Variants in NCOA7 observed in about 807,000 individuals in gnomAD.
NCOA7 encodes nuclear receptor coactivator 7, also known as 140 kDa estrogen receptor-associated protein.
In NCOA7, 45 loss-of-function variants were observed where a neutral mutation model predicts 104.3. The observed-to-expected ratio is 0.43, with a 90% CI of 0.34 to 0.55. NCOA7 has a LOEUF of 0.55. Ranked by LOEUF, NCOA7 falls within the 20% of genes least tolerant of loss-of-function variation. The pLI is 0.02. For missense variants in NCOA7, 1,041 were observed against 1,119.7 expected (o/e 0.93, Z 1.00); for synonymous variants, 398 against 402.3 (o/e 0.99, Z 0.13).
chr6:125,842,175 A>G (rs1780233578), intron 2 of NCOA7, among the ~76,000 whole-genome samples: 2 of 152,184 alleles, frequency 1.3e-5, no homozygotes, highest in South Asian at 2.1e-4. Context: ...TCAGTAGAGT[A>G]TTAGTTTATA....
At position 125,869,256 on chromosome 6, in the gene NCOA7, T is replaced by G. The variant is rs143193841; in HGVS notation, c.272-5633T>G. 3.3e-5 allele frequency among the ~76,000 whole-genome samples: 5 copies of G among 152,290 alleles called. No homozygotes were observed. In the East Asian group the frequency reaches 9.6e-4, roughly 29 times the overall value. ...GTTTGAAGGACATTATGTATTGACTTGTTCTTGCTGGTTTTTCTCAGAACC... is the reference window on the plus strand; with the variant it reads ...GTTTGAAGGACATTATGTATTGACTGGTTCTTGCTGGTTTTTCTCAGAACC... On this transcript the variant is annotated intron_variant, in intron 3 of 15. Coordinates refer to ENST00000392477, the MANE Select transcript of NCOA7 (RefSeq NM_181782.5).
chr6:125,915,588 C>G, intron 11 of NCOA7, 108 bp downstream of exon 11: 1 of 1,340,522 alleles, frequency 7.5e-7, no homozygotes, highest in African/African-American at 1.5e-5. Flanking sequence ...TCCCTGTGCA[C>G]CTATGAAATT....
intron 1 of NCOA7, among the ~76,000 whole-genome samples, chr6:125,782,286 T>A (rs1583202036): frequency 6.6e-6 from 1 of 152,230 alleles, no homozygotes; most frequent in South Asian, 2.1e-4. Flanking sequence ...TTATTAATAT[T>A]TTCCATATAT....
chr6:125,858,274 A>G (rs567065463), intron 3 of NCOA7, among the ~76,000 whole-genome samples: 1 of 152,288 alleles, frequency 6.6e-6, no homozygotes, highest in Non-Finnish European at 1.5e-5. Flanking sequence ...GTTTCAAGAA[A>G]ACTCTGGAAG....
chr6:125,881,667 T>G (rs1783835526), intron 6 of NCOA7, among the ~76,000 whole-genome samples: 1 of 58,340 alleles, frequency 1.7e-5, no homozygotes. Context: ...TGAAACCCTA[T>G]CTCAAAAAAA....
chr6:125,799,233 A>G (rs1775641333), intron 1 of NCOA7, among the ~76,000 whole-genome samples: 1 of 151,830 alleles, frequency 6.6e-6, no homozygotes, highest in Admixed American at 6.6e-5. Context: ...CAGGAGAGTA[A>G]TTCCTGCCTC....
In NCOA7 at chr6:125,784,987, A is replaced by AACAC. The variant is rs3084325; in HGVS notation, c.-141-1120_-141-1117dup. ...ACAAGATATGATAATGTTGCATATAAACACACACACACACACACACACACA... is the reference window on the plus strand; with the variant it reads ...ACAAGATATGATAATGTTGCATATAAACACACACACACACACACACACACACACA... On this transcript the variant is annotated intron_variant, in intron 1 of 16. Coordinates refer to the NCOA7 transcript ENST00000368357. Among the ~76,000 whole-genome samples the AACAC allele has an allele frequency of 5.1e-3, 759 of 148,400 alleles. 4 individuals carry two copies. Among genetic ancestry groups the AACAC allele is most frequent in the African/African-American group, 0.015 (604 of 40,282 alleles).
At chr6:125,919,139 G>C (rs1787340359) in intron 11 of NCOA7, 1 of 1,114,714 alleles carries the variant, frequency 9.0e-7, no homozygotes, top group Non-Finnish European at 1.2e-6. Flanking sequence ...AGCGATGCCT[G>C]GCAGGAAGTG....
intron 1 of NCOA7, among the ~76,000 whole-genome samples, chr6:125,795,810 C>A (rs1349570893): frequency 6.6e-6 from 1 of 152,146 alleles, no homozygotes; most frequent in Non-Finnish European, 1.5e-5. Context: ...TACCCACAGT[C>A]ATTCTTAGCT....
chr6:125,922,730 G>A lies in NCOA7; in HGVS notation c.2419G>A (p.Ala807Thr). ...GGTGCAAGGGTATCCATGGAGACTG[G>A]CCTATAGCACGTTAGAGCACGGGAC... ...ARVQGYPWRL[A>T]YSTLEHGTSL... is the part of the protein sequence containing the mutation. The change falls in exon 13 of 16, where the codon GCC becomes ACC. Residue 807 changes from alanine to threonine, a missense_variant. Transcript: ENST00000392477. The A allele has an allele frequency of 6.2e-7, 1 of 1,613,988 alleles. No individual in the cohort carries two copies. Among genetic ancestry groups the A allele is most frequent in the Non-Finnish European group, 8.5e-7 (1 of 1,180,012 alleles).
chr6:125,885,238 A>G lies in NCOA7; in HGVS notation c.779A>G (p.Glu260Gly). ...DPHKSDPLVIENGCEEYGLIC... is the reference protein window; with the variant it reads ...DPHKSDPLVIGNGCEEYGLIC... The stretch of plus-strand genomic sequence containing the variant: ...CATAAATCTGATCCTCTGGTTATTG[A>G]AAATGGGTGTGAGGAGTATGGTCTC... Residue 260 changes from glutamate (E) to glycine (G), a missense_variant, in exon 8 of 16, where the codon GAA (glutamate) becomes GGA (glycine). By Grantham distance (98) the Glu-to-Gly change is moderately conservative. Transcript: ENST00000392477. 1 of 1,614,106 alleles carries G rather than the reference A, an allele frequency of 6.2e-7. No individual in the cohort carries two copies. The highest frequency in any genetic ancestry group is 8.5e-7 in the Non-Finnish European group (1 of 1,179,946).
chr6:125,781,839 A>G (rs1774240100), intron 1 of NCOA7, among the ~76,000 whole-genome samples: 1 of 152,248 alleles, frequency 6.6e-6, no homozygotes, highest in South Asian at 2.1e-4. Flanking sequence ...CTATGCACAT[A>G]CAACACATAT....
rs143899850 is a variant in NCOA7 at position 125,889,215 on chromosome 6, G to A, written c.1161G>A (p.Val387=). Reference sequence around the variant, plus strand: ...AGACATCCCATGGTTCTCCCACAGTGACTAAGCTCAGCAAGGAACCTTCCG... The same window carrying A: ...AGACATCCCATGGTTCTCCCACAGTAACTAAGCTCAGCAAGGAACCTTCCG... ...SRETSHGSPT[V]TKLSKEPSDT... Residue 387 remains valine, a synonymous_variant, in exon 9 of 16, where the codon GTG becomes GTA. Coordinates refer to ENST00000392477, the MANE Select transcript of NCOA7 (RefSeq NM_181782.5). 1 of 1,613,968 alleles carries A rather than the reference G, an allele frequency of 6.2e-7. No homozygotes were observed. Among genetic ancestry groups the A allele is most frequent in the African/African-American group, 1.3e-5 (1 of 75,046 alleles).
intron 3 of NCOA7, among the ~76,000 whole-genome samples, chr6:125,857,276 C>T (rs1445539845): frequency 6.6e-6 from 1 of 152,080 alleles, no homozygotes; most frequent in Non-Finnish European, 1.5e-5. Flanking sequence ...CTTGCACTGT[C>T]ACCCAGACTG....
chr6:125,909,090 GAAAGTGGGTCCA>G (rs902553120), intron 10 of NCOA7, among the ~76,000 whole-genome samples: 1 of 152,196 alleles, frequency 6.6e-6, no homozygotes, highest in Non-Finnish European at 1.5e-5. Flanking sequence ...GTGCCTAATG[GAAAGTGGGTCCA>G]AAAAGTGATT....
chr6:125,921,801 A>G (rs1787613015), intron 12 of NCOA7, among the ~76,000 whole-genome samples: 1 of 152,176 alleles, frequency 6.6e-6, no homozygotes, highest in African/African-American at 2.4e-5. Flanking sequence ...ACCTACCTAC[A>G]GGACAATTTT....
intron 3 of NCOA7, among the ~76,000 whole-genome samples, chr6:125,872,678 AAGAC>A (rs1264423256): frequency 6.6e-6 from 1 of 152,268 alleles, no homozygotes; most frequent in African/African-American, 2.4e-5. Context: ...GAAGGAAAGA[AAGAC>A]GAGTATTGTT....
Position 125,931,207 on chromosome 6 carries a change from T to C in NCOA7, c.*2436T>C, listed in dbSNP as rs1173396442. The C allele has an allele frequency of 6.6e-6, 1 of 152,262 alleles. No homozygotes were observed. Among genetic ancestry groups the C allele is most frequent in the Admixed American group, 6.5e-5 (1 of 15,272 alleles). The allele number at this position is 152,262 out of a possible 1,614,324, so 9.4% of individuals were successfully genotyped here. A position where few individuals can be genotyped will look rare whatever the true frequency, so the allele number is the denominator to read the frequency against. On this transcript the variant is annotated 3_prime_UTR_variant, in exon 16 of 16. Coordinates refer to ENST00000392477, the MANE Select transcript of NCOA7 (RefSeq NM_181782.5). ...GTGAAATATCCAAGACTAAACAAGG[T>C]CCAGAGCTCATGTTTTCACTGCTGC...
At chr6:125,915,912 C>T (rs1156412642) in intron 11 of NCOA7, among the ~76,000 whole-genome samples, 1 of 152,104 alleles carries the variant, frequency 6.6e-6, no homozygotes, top group East Asian at 1.9e-4. Flanking sequence ...TATTATGTGT[C>T]ACAAAATATT....
Sources: allele counts gnomAD v4.1 joint callset (sites outside exome capture counted in the v4.1 genomes callset), GRCh38; gene constraint gnomAD v4.1.1; transcripts MANE v1.5; gene names NCBI Gene and HGNC (gene_info 2026-07-23, HGNC 2026-07-21).